Variants in JMJD1C observed in about 807,000 individuals in gnomAD.
JMJD1C encodes the protein jumonji domain containing 1C, also known as jumonji domain-containing protein 1C.
A neutral mutation model predicts 245.3 loss-of-function variants in JMJD1C; 31 were observed. The observed-to-expected ratio is 0.13, with a 90% CI of 0.09 to 0.17. The LOEUF is 0.17. Ranked by LOEUF, JMJD1C falls within the 10% of genes least tolerant of loss-of-function variation. JMJD1C has a pLI of 1.00. For missense variants in JMJD1C, 2,691 were observed against 3,000.2 expected (o/e 0.90, Z 2.41); for synonymous variants, 1,057 against 1,017.4 (o/e 1.04, Z -0.74).
intron 2 of JMJD1C, among the ~76,000 whole-genome samples, chr10:63,357,411 T>C (rs1045403021): frequency 3.3e-5 from 5 of 152,192 alleles, no homozygotes; most frequent in African/African-American, 1.2e-4. Context: ...GTTCAAGCGA[T>C]TCTCCTGACT....
chr10:63,210,253 A>G (rs970805786), intron 8 of JMJD1C, among the ~76,000 whole-genome samples: 7 of 152,190 alleles, frequency 4.6e-5, no homozygotes, highest in Non-Finnish European at 2.9e-5. Context: ...GTTTTGCTCT[A>G]TAAAATGCCA....
chr10:63,276,559 C>T (rs1172680458), intron 2 of JMJD1C, among the ~76,000 whole-genome samples: 2 of 151,942 alleles, frequency 1.3e-5, no homozygotes. Context: ...GTGGCAGGTG[C>T]CTGTGATCCC....
intron 1 of JMJD1C, among the ~76,000 whole-genome samples, chr10:63,413,449 G>T (rs1315053662): frequency 6.6e-6 from 1 of 151,382 alleles, no homozygotes; most frequent in Non-Finnish European, 1.5e-5. Flanking sequence ...TTTCTGAGCA[G>T]AATTACAAAA....
intron 2 of JMJD1C, among the ~76,000 whole-genome samples, chr10:63,363,332 C>T (rs1190468304): frequency 2.1e-5 from 3 of 146,166 alleles, no homozygotes; most frequent in Non-Finnish European, 4.5e-5. Context: ...AATCTTGGCT[C>T]ACTGCAACCT....
intron 1 of JMJD1C, among the ~76,000 whole-genome samples, chr10:63,513,641 G>T (rs957523708): frequency 2.6e-5 from 4 of 152,096 alleles, no homozygotes; most frequent in Admixed American, 2.0e-4. Context: ...GGCCGGGCAC[G>T]GTGGCTCATG....
chr10:63,219,851 T>A (rs760295103), intron 4 of JMJD1C, 27 bp downstream of exon 4: 11 of 1,556,708 alleles, frequency 7.1e-6, no homozygotes, highest in Non-Finnish European at 9.7e-6. Context: ...TCCAAAAAAA[T>A]TTAATGCATA....
intron 2 of JMJD1C, among the ~76,000 whole-genome samples, chr10:63,361,719 T>TAAAAAAAAAAAA (rs55879769): frequency 1.0e-4 from 10 of 95,544 alleles, no homozygotes; most frequent in African/African-American, 3.5e-4. Flanking sequence ...CTGTCTCAAC[T>TAAAAAAAAAAAA]AAAAAAAAAA....
intron 1 of JMJD1C, among the ~76,000 whole-genome samples, chr10:63,493,605 T>C (rs1954251581): frequency 2.0e-5 from 3 of 152,062 alleles, no homozygotes; most frequent in African/African-American, 7.2e-5. Context: ...TATAATAAAA[T>C]TTTAAATCTG....
chr10:63,413,985 CTTTTT>C (rs397846162), intron 1 of JMJD1C, among the ~76,000 whole-genome samples: 1 of 132,026 alleles, frequency 7.6e-6, no homozygotes, highest in Non-Finnish European at 1.6e-5. Context: ...GCTATCAATA[CTTTTT>C]TTTTTTTTTT....
At chr10:63,362,917 G>A (rs987452426) in intron 2 of JMJD1C, among the ~76,000 whole-genome samples, 8 of 152,034 alleles carry the variant, frequency 5.3e-5, no homozygotes, top group Non-Finnish European at 1.0e-4. Context: ...AGAGTGGCTT[G>A]GTGAGTATTA....
At chr10:63,369,957 C>T (rs1946164235) in intron 2 of JMJD1C, among the ~76,000 whole-genome samples, 1 of 152,162 alleles carries the variant, frequency 6.6e-6, no homozygotes, top group Non-Finnish European at 1.5e-5. Flanking sequence ...GAAGTGAGAA[C>T]TAAAGTTATT....
intron 2 of JMJD1C, among the ~76,000 whole-genome samples, chr10:63,367,699 C>T (rs571928272): frequency 1.9e-4 from 29 of 152,226 alleles, no homozygotes; most frequent in African/African-American, 6.7e-4. Flanking sequence ...GAGTCAAATG[C>T]TTTTAAATGG....
intron 2 of JMJD1C, among the ~76,000 whole-genome samples, chr10:63,303,846 T>C (rs113912945): frequency 3.8e-4 from 58 of 152,306 alleles, no homozygotes; most frequent in African/African-American, 1.3e-3. Context: ...CTTGTTATCT[T>C]TGCCAAGCAA....
At chr10:63,469,599 C>T (rs1564955469), upstream of JMJD1C, among the ~76,000 whole-genome samples, 4 of 152,148 alleles carry the variant, frequency 2.6e-5, no homozygotes, top group Non-Finnish European at 5.9e-5. Context: ...TTGAGAAGCT[C>T]ACAGTCTATC....
At chr10:63,515,814 G>C (rs1955000134) in intron 1 of JMJD1C, among the ~76,000 whole-genome samples, 1 of 152,330 alleles carries the variant, frequency 6.6e-6, no homozygotes, top group Non-Finnish European at 1.5e-5. Context: ...GTTTTTAAGA[G>C]TGCTTTGTAT....
At chr10:63,503,108 A>G (rs9971294) in intron 1 of JMJD1C, among the ~76,000 whole-genome samples, 100,905 of 152,084 alleles carry the variant, frequency 0.66, 36,261 homozygotes, top group Non-Finnish European at 0.81. Context: ...AGATATATTT[A>G]AAGACAAAGG....
At chr10:63,465,336 C>A in intron 1 of JMJD1C, 159 bp downstream of exon 1, 1 of 735,938 alleles carries the variant, frequency 1.4e-6, no homozygotes, top group South Asian at 1.9e-5. Flanking sequence ...CGCAGGGACC[C>A]AGGCAAGGGA....
chr10:63,420,425 G>A (rs1950053880), intron 1 of JMJD1C, among the ~76,000 whole-genome samples: 1 of 151,974 alleles, frequency 6.6e-6, no homozygotes, highest in Non-Finnish European at 1.5e-5. Context: ...GGCTGGGCAT[G>A]GGGGCTCACA....
chr10:63,518,857 C>T (rs927274489), intron 1 of JMJD1C, among the ~76,000 whole-genome samples: 6 of 152,154 alleles, frequency 3.9e-5, no homozygotes, highest in African/African-American at 1.4e-4. Flanking sequence ...CCAAGCTGGA[C>T]CCACCGCCTT....
Sources: allele counts gnomAD v4.1 joint callset (sites outside exome capture counted in the v4.1 genomes callset), GRCh38; gene constraint gnomAD v4.1.1; transcripts MANE v1.5; gene names NCBI Gene and HGNC (gene_info 2026-07-23, HGNC 2026-07-21).